Variants in CHRNA7 observed in about 807,000 individuals in gnomAD.
CHRNA7 encodes the protein neuronal acetylcholine receptor subunit alpha-7.
In CHRNA7, 17 loss-of-function variants were observed where a neutral mutation model predicts 48.0. That is an observed-to-expected ratio of 0.35 (90% CI 0.24 to 0.53). CHRNA7 has a LOEUF of 0.53. Ranked by LOEUF, CHRNA7 falls within the 20% of genes least tolerant of loss-of-function variation. The pLI, the probability that CHRNA7 is intolerant of heterozygous loss-of-function variation, is 0.92. For missense variants in CHRNA7, 155 were observed against 577.7 expected (o/e 0.27, Z 7.50); for synonymous variants, 75 against 242.3 (o/e 0.31, Z 6.41).
chr15:32,097,566 G>A (rs899219835), intron 2 of CHRNA7, among the ~76,000 whole-genome samples: 8 of 152,110 alleles, frequency 5.3e-5, no homozygotes, highest in Non-Finnish European at 1.2e-4. Flanking sequence ...ACTTCCAGCC[G>A]CCAGAACTGT....
chr15:32,125,907 T>G (rs1286887428), intron 4 of CHRNA7, among the ~76,000 whole-genome samples: 1 of 152,102 alleles, frequency 6.6e-6, no homozygotes, highest in African/African-American at 2.4e-5. Context: ...AGTCATGAAT[T>G]TCAGCCCATA....
chr15:32,106,357 A>G (rs570104594), intron 3 of CHRNA7, among the ~76,000 whole-genome samples: 1 of 152,318 alleles, frequency 6.6e-6, no homozygotes, highest in South Asian at 2.1e-4. Flanking sequence ...TTTTCTGTTT[A>G]TTAAAAATGG....
intron 2 of CHRNA7, among the ~76,000 whole-genome samples, chr15:32,041,694 T>C (rs1164100655): frequency 1.3e-5 from 2 of 152,284 alleles, no homozygotes; most frequent in Non-Finnish European, 2.9e-5. Flanking sequence ...TCTGTTGTTT[T>C]CAGTCTTTGT....
rs1042361767 is a variant in CHRNA7, at chr15:32,048,867, G to A, written c.195+17830G>A. Among the ~76,000 whole-genome samples the A allele has an allele frequency of 2.0e-5, 3 of 151,830 alleles. No homozygotes were observed. The South Asian group carries it at 6.3e-4, about 32-fold the overall frequency. On this transcript the variant is annotated intron_variant, in intron 2 of 9. Coordinates refer to ENST00000306901, the MANE Select transcript of CHRNA7 (RefSeq NM_000746.6). ...TGCATCCCAGAGATTCTGGTATGTTGTGTCTTTGTTCTCGTTGGTTTCAAA... is the reference window on the plus strand; with the variant it reads ...TGCATCCCAGAGATTCTGGTATGTTATGTCTTTGTTCTCGTTGGTTTCAAA...
chr15:32,048,693 A>G (rs1042392993), intron 2 of CHRNA7, among the ~76,000 whole-genome samples: 18 of 151,178 alleles, frequency 1.2e-4, no homozygotes, highest in African/African-American at 4.4e-4. Context: ...GATTTTAGTT[A>G]TTTCTTGCCT....
intron 4 of CHRNA7, among the ~76,000 whole-genome samples, chr15:32,128,771 G>A (rs530933925): frequency 2.6e-5 from 4 of 151,398 alleles, no homozygotes; most frequent in Non-Finnish European, 5.9e-5. Context: ...TTACTTTCCT[G>A]GCTAGGATTT....
At chr15:32,049,699 C>T (rs1410023330) in intron 2 of CHRNA7, among the ~76,000 whole-genome samples, 1 of 152,156 alleles carries the variant, frequency 6.6e-6, no homozygotes, top group Non-Finnish European at 1.5e-5. Flanking sequence ...ATGATGTTAG[C>T]TGGTTATTTT....
chr15:32,153,512 G>A (rs970190252), intron 4 of CHRNA7: 7 of 267,500 alleles, frequency 2.6e-5, no homozygotes. Flanking sequence ...GACACAGCGA[G>A]TGAAAACCCT....
intron 4 of CHRNA7, among the ~76,000 whole-genome samples, chr15:32,145,945 C>T (rs1283564255): frequency 6.6e-6 from 1 of 152,152 alleles, no homozygotes; most frequent in Non-Finnish European, 1.5e-5. Flanking sequence ...CCAACCAGTC[C>T]CAATGAGATG....
intron 2 of CHRNA7, among the ~76,000 whole-genome samples, chr15:32,034,200 A>G (rs1458621327): frequency 6.6e-6 from 1 of 152,204 alleles, no homozygotes; most frequent in African/African-American, 2.4e-5. Flanking sequence ...TCTAAAGATG[A>G]GAAGGAGTTT....
At chr15:32,095,062 T>G (rs2050444824) in intron 2 of CHRNA7, among the ~76,000 whole-genome samples, 1 of 152,244 alleles carries the variant, frequency 6.6e-6, no homozygotes, top group South Asian at 2.1e-4. Flanking sequence ...TCAGAAAAGT[T>G]CAGGGGATGG....
rs888604565 is a variant in CHRNA7 at position 32,128,583 on chromosome 15, A to T, written c.350+16684A>T. Among the ~76,000 whole-genome samples the T allele has an allele frequency of 2.6e-5, 4 of 151,600 alleles. No homozygotes were observed. In the East Asian group the frequency reaches 5.8e-4, roughly 22 times the overall value. ...CCACATGTTTACTGTTAGTATAGCA[A>T]TTATTTTATGTTGATCTTGTATTTC... On this transcript the variant is annotated intron_variant, in intron 4 of 9. Transcript: ENST00000306901.
chr15:32,143,540 T>C (rs796468469), intron 4 of CHRNA7, among the ~76,000 whole-genome samples: 13 of 152,264 alleles, frequency 8.5e-5, no homozygotes, highest in African/African-American at 3.1e-4. Flanking sequence ...CATTATTATT[T>C]TGTGGGAGTC....
In CHRNA7 at chr15:32,149,973, A is replaced by G. The variant is rs913734965; in HGVS notation, c.351-3934A>G. ...AAGAAACCCAAGCTTAAAATAAGCA[A>G]AACTTTGTTCCCCATAACATGCATC... On this transcript the variant is annotated intron_variant, in intron 4 of 9. Transcript: ENST00000306901. This position sits in a 1 kb window ranked among gnomAD's most constrained non-coding sequence, Gnocchi z 4.6. Among the ~76,000 whole-genome samples the G allele has an allele frequency of 6.6e-6, 1 of 152,152 alleles. No individual in the cohort carries two copies. The highest frequency in any genetic ancestry group is 1.5e-5 in the Non-Finnish European group (1 of 68,032).
chr15:32,082,701 G>T (rs2050235218), intron 2 of CHRNA7, among the ~76,000 whole-genome samples: 1 of 152,064 alleles, frequency 6.6e-6, no homozygotes, highest in Non-Finnish European at 1.5e-5. Flanking sequence ...TCCATTTTAT[G>T]TATAAGCAAT....
At chr15:32,076,753 G>A (rs1221417083) in intron 2 of CHRNA7, among the ~76,000 whole-genome samples, 2 of 152,020 alleles carry the variant, frequency 1.3e-5, no homozygotes, top group Non-Finnish European at 2.9e-5. Flanking sequence ...ACATTGTTAC[G>A]ATTGACAAAC....
intron 4 of CHRNA7, among the ~76,000 whole-genome samples, chr15:32,126,271 T>A (rs964104578): frequency 6.6e-5 from 10 of 152,202 alleles, no homozygotes; most frequent in African/African-American, 2.4e-4. Context: ...AGGTTATGAC[T>A]ATGAGCTAGT....
intron 2 of CHRNA7, among the ~76,000 whole-genome samples, chr15:32,067,752 CAG>C (rs1253145026): frequency 6.6e-6 from 1 of 152,120 alleles, no homozygotes; most frequent in South Asian, 2.1e-4. Flanking sequence ...AACAACAACA[CAG>C]AGGAGGAGAA....
intron 2 of CHRNA7, among the ~76,000 whole-genome samples, chr15:32,048,875 G>A (rs1440091314): frequency 6.6e-6 from 1 of 151,584 alleles, no homozygotes; most frequent in Non-Finnish European, 1.5e-5. Context: ...TTGTGTCTTT[G>A]TTCTCGTTGG....
Sources: gnomAD v4.1 joint callset for allele counts (sites outside exome capture counted in the v4.1 genomes callset) on GRCh38, gnomAD v4.1.1 for gene constraint, Gnocchi (gnomAD v3.1) non-coding constraint, MANE v1.5 for transcripts, NCBI Gene and HGNC (gene_info 2026-07-23, HGNC 2026-07-21) for gene names.